The following ADAMTSL1 variants were observed in gnomAD, a reference collection of about 807,000 sequenced individuals.
ADAMTSL1 encodes ADAMTS-like protein 1.
In ADAMTSL1, 126 loss-of-function variants were observed where a neutral mutation model predicts 201.8. The ratio of observed to expected loss-of-function variants is 0.62; its 90% CI spans 0.54 to 0.72. The LOEUF (loss-of-function observed/expected upper bound fraction) is 0.72. Ranked by LOEUF, ADAMTSL1 falls within the 30% of genes least tolerant of loss-of-function variation. The pLI is 0.00. For synonymous variants in ADAMTSL1, 1,121 were observed against 903.4 expected, an observed-to-expected ratio of 1.24 and a Z score of -4.32; for missense variants, 2,679 against 2,277.8, an observed-to-expected ratio of 1.18 and a Z score of -3.59.
At chr9:18,209,816 T>G (rs1452944752) in intron 2 of ADAMTSL1, among the ~76,000 whole-genome samples, 1 of 152,138 alleles carries the variant, frequency 6.6e-6, no homozygotes, top group Non-Finnish European at 1.5e-5. Flanking sequence ...ATTGGTGACT[T>G]TGGTGGGAAT....
At chr9:18,718,621 A>G (rs934426746) in intron 14 of ADAMTSL1, 5 of 371,292 alleles carry the variant, frequency 1.3e-5, no homozygotes, top group Admixed American at 7.3e-5. Flanking sequence ...TCGGCACCAC[A>G]GCAGTCCTGC....
At chr9:18,264,943 T>C (rs1832063621) in intron 2 of ADAMTSL1, among the ~76,000 whole-genome samples, 1 of 152,200 alleles carries the variant, frequency 6.6e-6, no homozygotes, top group Non-Finnish European at 1.5e-5. Flanking sequence ...AATGATAGTA[T>C]GTTTTAATAA....
intron 2 of ADAMTSL1, among the ~76,000 whole-genome samples, chr9:18,175,602 C>T (rs185278019): frequency 7.9e-4 from 121 of 152,220 alleles, no homozygotes; most frequent in African/African-American, 2.7e-3. Context: ...TGTTTCATAT[C>T]ATATTATCAG....
chr9:18,669,887 A>G (rs1829709644), intron 9 of ADAMTSL1, among the ~76,000 whole-genome samples: 2 of 152,180 alleles, frequency 1.3e-5, no homozygotes, highest in Admixed American at 1.3e-4. Flanking sequence ...GTTACATAGA[A>G]AGAAAGTAGC....
intron 2 of ADAMTSL1, among the ~76,000 whole-genome samples, chr9:18,506,474 T>C (rs1374424337): frequency 6.6e-6 from 1 of 152,218 alleles, no homozygotes; most frequent in African/African-American, 2.4e-5. Flanking sequence ...GTGATGTGTA[T>C]GTCAGCTTGA....
At chr9:18,235,344 A>G (rs1830806780) in intron 2 of ADAMTSL1, among the ~76,000 whole-genome samples, 1 of 152,166 alleles carries the variant, frequency 6.6e-6, no homozygotes, top group African/African-American at 2.4e-5. Context: ...GTGCCCTTCT[A>G]ATCACATCAA....
At chr9:18,150,494 T>G (rs1438258199) in intron 1 of ADAMTSL1, among the ~76,000 whole-genome samples, 2 of 152,100 alleles carry the variant, frequency 1.3e-5, no homozygotes, top group African/African-American at 4.8e-5. Context: ...AGTCAGAGTT[T>G]CTGTTTGCTG....
intron 19 of ADAMTSL1, among the ~76,000 whole-genome samples, chr9:18,780,281 C>A (rs549169616): frequency 6.6e-6 from 1 of 152,248 alleles, no homozygotes; most frequent in East Asian, 1.9e-4. Flanking sequence ...GAGACTGTAC[C>A]ATATCATCTG....
chr9:18,346,196 G>A (rs1437778517), intron 2 of ADAMTSL1, among the ~76,000 whole-genome samples: 2 of 152,114 alleles, frequency 1.3e-5, no homozygotes, highest in African/African-American at 2.4e-5. Flanking sequence ...ATGAGACGAT[G>A]AGGTAATCCT....
intron 2 of ADAMTSL1, among the ~76,000 whole-genome samples, chr9:18,228,378 G>T (rs1159281739): frequency 6.6e-6 from 1 of 152,098 alleles, no homozygotes; most frequent in Non-Finnish European, 1.5e-5. Flanking sequence ...ATGCTGCTTG[G>T]ATCTGTGTTC....
intron 7 of ADAMTSL1, among the ~76,000 whole-genome samples, chr9:18,642,903 T>G (rs1221899571): frequency 6.6e-6 from 1 of 152,032 alleles, no homozygotes; most frequent in Non-Finnish European, 1.5e-5. Context: ...AGTGTAGATA[T>G]CTCTTCAACA....
intron 1 of ADAMTSL1, among the ~76,000 whole-genome samples, chr9:18,139,953 G>A (rs2132000012): frequency 6.6e-6 from 1 of 152,214 alleles, no homozygotes; most frequent in South Asian, 2.1e-4. Context: ...GAAATTTAGA[G>A]GATGCTAATG....
chr9:17,945,659 C>A (rs532853895), intron 1 of ADAMTSL1, among the ~76,000 whole-genome samples: 42 of 152,306 alleles, frequency 2.8e-4, no homozygotes, highest in African/African-American at 9.6e-4. Flanking sequence ...AATTCACATC[C>A]TTTGTAGGGA....
intron 2 of ADAMTSL1, among the ~76,000 whole-genome samples, chr9:18,441,884 G>A (rs532426072): frequency 1.3e-5 from 2 of 152,310 alleles, no homozygotes; most frequent in South Asian, 4.1e-4. Context: ...AAGTTTTGGT[G>A]CTGCACAAGT....
At chr9:18,560,601 G>A (rs1821420462) in intron 3 of ADAMTSL1, among the ~76,000 whole-genome samples, 1 of 151,560 alleles carries the variant, frequency 6.6e-6, no homozygotes, top group African/African-American at 2.4e-5. Context: ...GCTCCTCTTT[G>A]TACCTCTGGT....
chr9:18,583,868 C>G (rs1333000603), intron 4 of ADAMTSL1, among the ~76,000 whole-genome samples: 1 of 152,140 alleles, frequency 6.6e-6, no homozygotes, highest in African/African-American at 2.4e-5. Flanking sequence ...TGGCCAATTT[C>G]TCCCATTTGG....
At chr9:18,431,177 C>G (rs1479272231) in intron 2 of ADAMTSL1, among the ~76,000 whole-genome samples, 1 of 152,216 alleles carries the variant, frequency 6.6e-6, no homozygotes, top group Non-Finnish European at 1.5e-5. Flanking sequence ...TCATTCAAGA[C>G]AGACCTAGGG....
intron 5 of ADAMTSL1, among the ~76,000 whole-genome samples, chr9:18,629,175 A>G (rs1576899): frequency 0.011 from 1,606 of 152,282 alleles, 29 homozygotes; most frequent in African/African-American, 0.037. Context: ...GATTTTCTCA[A>G]TAAACAATCA....
intron 15 of ADAMTSL1, among the ~76,000 whole-genome samples, chr9:18,731,417 G>A (rs1427805563): frequency 1.3e-5 from 2 of 152,112 alleles, no homozygotes; most frequent in Non-Finnish European, 2.9e-5. Context: ...GATCACTTGA[G>A]CCCAGGGGTT....
Sources: gnomAD v4.1 joint callset for allele counts (sites outside exome capture counted in the v4.1 genomes callset) on GRCh38, gnomAD v4.1.1 for gene constraint, MANE v1.5 for transcripts, NCBI Gene and HGNC (gene_info 2026-07-23, HGNC 2026-07-21) for gene names.